Variants in SNTG1 observed in about 807,000 individuals in gnomAD.
The protein encoded by SNTG1 is syntrophin gamma 1, also known as gamma-1-syntrophin.
Under a neutral mutation model 74.7 loss-of-function variants are expected in SNTG1, and 39 were observed. The observed-to-expected ratio is 0.52, with a 90% CI of 0.40 to 0.68. The LOEUF (loss-of-function observed/expected upper bound fraction) is 0.68, where lower values mean the gene tolerates loss of function less well. SNTG1 is among the 30% of genes least tolerant of loss of function. The probability of loss-of-function intolerance (pLI) is 0.00; values close to 1 mark genes in which losing one functional copy is unlikely to be tolerated. For synonymous variants in SNTG1, 254 were observed against 217.1 expected, an observed-to-expected ratio of 1.17 and a Z score of -1.49; for missense variants, 685 against 609.5, an observed-to-expected ratio of 1.12 and a Z score of -1.30.
intron 1 of SNTG1, among the ~76,000 whole-genome samples, chr8:49,969,796 A>G (rs754331676): frequency 2.6e-5 from 4 of 152,170 alleles, no homozygotes; most frequent in Non-Finnish European, 4.4e-5. Flanking sequence ...CAACAATGAC[A>G]TCATGGTGTA....
At chr8:50,280,488 C>T (rs2088379501) in intron 2 of SNTG1, among the ~76,000 whole-genome samples, 2 of 152,128 alleles carry the variant, frequency 1.3e-5, no homozygotes, top group African/African-American at 4.8e-5. Flanking sequence ...AAGTAAGTGA[C>T]CATGGCCCAA....
At chr8:50,489,842 C>T (rs555890870) in intron 8 of SNTG1, among the ~76,000 whole-genome samples, 1 of 152,282 alleles carries the variant, frequency 6.6e-6, no homozygotes, top group African/African-American at 2.4e-5. Flanking sequence ...GAAGTCTTTG[C>T]CCATGCCTAT....
At chr8:49,972,216 T>G (rs935958870) in intron 1 of SNTG1, among the ~76,000 whole-genome samples, 10 of 152,098 alleles carry the variant, frequency 6.6e-5, no homozygotes, top group African/African-American at 2.2e-4. Context: ...ATGCCGCATA[T>G]CTACAACCAC....
intron 2 of SNTG1, among the ~76,000 whole-genome samples, chr8:50,261,907 T>C (rs1456801019): frequency 6.6e-6 from 1 of 152,160 alleles, no homozygotes; most frequent in Non-Finnish European, 1.5e-5. Context: ...AAATATATCA[T>C]ATATGAATGT....
chr8:50,682,318 G>T (rs1185266686), intron 15 of SNTG1, among the ~76,000 whole-genome samples: 1 of 151,982 alleles, frequency 6.6e-6, no homozygotes, highest in East Asian at 1.9e-4. Flanking sequence ...GATACAAGCT[G>T]GAGTGGCGGG....
rs895674338 is a variant in SNTG1, at chr8:50,394,218, T to A, written c.-21T>A. ...CATTTCTGTGTCTTTTCAGACGACA[T>A]CCTTTGTGGTGCCACAGCACATGGA... On this transcript the variant is annotated 5_prime_UTR_variant, in exon 3 of 19. Transcript: ENST00000642720. 1 of 1,612,844 alleles carries A rather than the reference T, an allele frequency of 6.2e-7. No individual in the cohort carries two copies. The highest frequency in any genetic ancestry group is 1.7e-4 in the Middle Eastern group (1 of 6,060).
intron 17 of SNTG1, among the ~76,000 whole-genome samples, chr8:50,741,201 C>T (rs72643700): frequency 0.046 from 6,989 of 152,018 alleles, 236 homozygotes; most frequent in Non-Finnish European, 0.071. Flanking sequence ...CTCAGTTCAT[C>T]GCAACACTCA....
chr8:50,572,186 A>G (rs988849879), intron 12 of SNTG1, among the ~76,000 whole-genome samples: 1 of 151,812 alleles, frequency 6.6e-6, no homozygotes, highest in Admixed American at 6.6e-5. Flanking sequence ...TCATACTCCT[A>G]TAGCATCTTG....
At chr8:50,413,591 G>T (rs749979781) in intron 4 of SNTG1, among the ~76,000 whole-genome samples, 2 of 152,130 alleles carry the variant, frequency 1.3e-5, no homozygotes, top group African/African-American at 4.8e-5. Context: ...AGAGTCACAA[G>T]ACCGGAATAT....
chr8:50,352,642 C>T (rs2091698486), intron 2 of SNTG1, among the ~76,000 whole-genome samples: 1 of 152,172 alleles, frequency 6.6e-6, no homozygotes, highest in African/African-American at 2.4e-5. Flanking sequence ...CCACCCGCCT[C>T]AGCTTTCCAA....
At chr8:49,926,349 TAGA>T (rs781455727) in intron 1 of SNTG1, among the ~76,000 whole-genome samples, 31 of 152,276 alleles carry the variant, frequency 2.0e-4, no homozygotes, top group Non-Finnish European at 4.3e-4. Context: ...TTATATTTTT[TAGA>T]AGTTCACAAA....
chr8:50,158,853 C>T (rs987968697), intron 1 of SNTG1, among the ~76,000 whole-genome samples: 2 of 152,086 alleles, frequency 1.3e-5, no homozygotes, highest in African/African-American at 4.8e-5. Context: ...GTGATAGAAT[C>T]GCTGAGACCT....
chr8:50,055,294 T>C lies in SNTG1; in HGVS notation c.-102-117267T>C, dbSNP rs1275725428. Among the ~76,000 whole-genome samples the C allele has an allele frequency of 2.6e-5, 4 of 152,258 alleles. No individual in the cohort carries two copies. In the East Asian group the frequency reaches 7.8e-4, roughly 30 times the overall value. On this transcript the variant is annotated intron_variant, in intron 1 of 18. Transcript: ENST00000642720. The stretch of plus-strand genomic sequence containing the variant: ...TTATATGTTCCATTTTCTCTACTCC[T>C]GTATACATTGCTACCTCTGGGAAAG...
At chr8:50,131,407 G>C (rs1440190505) in intron 1 of SNTG1, among the ~76,000 whole-genome samples, 1 of 152,120 alleles carries the variant, frequency 6.6e-6, no homozygotes, top group East Asian at 1.9e-4. Flanking sequence ...CCACACATAT[G>C]TGAAATCATG....
chr8:49,970,370 T>C (rs1430483925), intron 1 of SNTG1, among the ~76,000 whole-genome samples: 1 of 152,192 alleles, frequency 6.6e-6, no homozygotes, highest in Non-Finnish European at 1.5e-5. Flanking sequence ...TAGTTTTTAA[T>C]TTTTTCAGTA....
In SNTG1 at chr8:50,053,118, G is replaced by A. The variant is rs9987189; in HGVS notation, c.-102-119443G>A. The stretch of plus-strand genomic sequence containing the variant: ...TAAATGAACACACATTAACAGAAAT[G>A]CTTTTACAAAAAGGGTCATAGTGGA... On this transcript the variant is annotated intron_variant, in intron 1 of 18. Transcript: ENST00000642720. 4.4e-3 allele frequency among the ~76,000 whole-genome samples: 676 copies of A among 152,124 alleles called. 5 individuals are homozygous for A. Among genetic ancestry groups the A allele is most frequent in the African/African-American group, 0.016 (653 of 41,516 alleles).
chr8:50,368,673 A>G (rs1373463826), intron 2 of SNTG1, among the ~76,000 whole-genome samples: 1 of 152,134 alleles, frequency 6.6e-6, no homozygotes, highest in Non-Finnish European at 1.5e-5. Flanking sequence ...CTTGGATTCT[A>G]TAGGACCGTC....
intron 2 of SNTG1, among the ~76,000 whole-genome samples, chr8:50,253,422 T>TTAAATAAATAAATAAA (rs57078517): frequency 2.0e-5 from 3 of 148,912 alleles, no homozygotes; most frequent in Non-Finnish European, 4.5e-5. Context: ...AAACTCCGTC[T>TTAAATAAATAAATAAA]TAAATAAATA....
intron 2 of SNTG1, among the ~76,000 whole-genome samples, chr8:50,377,612 A>G (rs972127416): frequency 1.3e-5 from 2 of 152,198 alleles, no homozygotes; most frequent in East Asian, 1.9e-4. Flanking sequence ...TTGCATAATT[A>G]AAAATAAATA....
Sources: allele counts gnomAD v4.1 joint callset (sites outside exome capture counted in the v4.1 genomes callset), GRCh38; gene constraint gnomAD v4.1.1; transcripts MANE v1.5; gene names NCBI Gene and HGNC (gene_info 2026-07-23, HGNC 2026-07-21).